Variants in MAD1L1 observed in about 807,000 individuals in gnomAD.
MAD1L1 encodes the protein mitotic spindle assembly checkpoint protein MAD1.
A neutral mutation model predicts 96.9 loss-of-function variants in MAD1L1; 95 were observed. The observed-to-expected ratio is 0.98, with a 90% CI of 0.83 to 1.16. The LOEUF (loss-of-function observed/expected upper bound fraction) is 1.16. Ranked by LOEUF, MAD1L1 falls within the 50% of genes most tolerant of loss-of-function variation. The pLI is 0.00. For synonymous variants in MAD1L1, 473 were observed against 396.6 expected, an observed-to-expected ratio of 1.19 and a Z score of -2.29; for missense variants, 1,007 against 954.4, an observed-to-expected ratio of 1.06 and a Z score of -0.73.
intron 18 of MAD1L1, among the ~76,000 whole-genome samples, chr7:1,877,236 A>T (rs1271430107): frequency 1.3e-5 from 2 of 152,206 alleles, no homozygotes; most frequent in African/African-American, 4.8e-5. Context: ...TTTGTAATAA[A>T]GTTTTACTGG....
At chr7:1,939,603 T>A (rs550237593) in intron 16 of MAD1L1, among the ~76,000 whole-genome samples, 3 of 152,276 alleles carry the variant, frequency 2.0e-5, no homozygotes, top group South Asian at 2.1e-4. Context: ...AATGGCCTCC[T>A]CCCCTTTGGC....
intron 14 of MAD1L1, among the ~76,000 whole-genome samples, chr7:1,997,886 G>T (rs1387683122): frequency 2.0e-5 from 3 of 152,192 alleles, no homozygotes; most frequent in African/African-American, 7.2e-5. Flanking sequence ...CGTCCCTCGG[G>T]AGCCCTGCGG....
intron 16 of MAD1L1, among the ~76,000 whole-genome samples, chr7:1,955,755 T>C (rs1226546422): frequency 1.3e-5 from 2 of 151,958 alleles, no homozygotes; most frequent in Admixed American, 6.5e-5. Context: ...TGCCTACTGG[T>C]TGTTGGGCAG....
chr7:1,897,316 C>T (rs925231026), intron 18 of MAD1L1, among the ~76,000 whole-genome samples: 1 of 152,232 alleles, frequency 6.6e-6, no homozygotes, highest in African/African-American at 2.4e-5. Flanking sequence ...TTTAGACGCC[C>T]GTTCCAGACC....
In MAD1L1 at chr7:2,118,310, G is replaced by A. The variant is rs528934588; in HGVS notation, c.1073+30842C>T. ...ACGGGGCCTGAGCCTGACACACGCA[G>A]GACGTGGTTGGCGGTCACAGATCTA... On this transcript the variant is annotated intron_variant, in intron 11 of 18. Transcript: ENST00000265854. 9.9e-5 allele frequency among the ~76,000 whole-genome samples: 12 copies of A among 121,786 alleles called. No individual in the cohort carries two copies. In the South Asian group the frequency reaches 3.0e-3, roughly 30 times the overall value. The allele number at this position is 121,786 out of a possible 152,430, so 79.9% of individuals were successfully genotyped here. A position where few individuals can be genotyped will look rare whatever the true frequency, so the allele number is the denominator to read the frequency against.
At chr7:2,196,343 T>G (rs1040532861) in intron 10 of MAD1L1, among the ~76,000 whole-genome samples, 4 of 152,200 alleles carry the variant, frequency 2.6e-5, no homozygotes, top group African/African-American at 9.7e-5. Flanking sequence ...CTAGAAACTC[T>G]TGTAAGCCAC....
intron 18 of MAD1L1, among the ~76,000 whole-genome samples, chr7:1,872,150 G>A (rs1785145125): frequency 1.3e-5 from 2 of 152,182 alleles, no homozygotes; most frequent in Non-Finnish European, 2.9e-5. Context: ...CCTGTCCCGC[G>A]ACAGAGAGGC....
rs368622168 is a variant in MAD1L1 at position 1,816,252 on chromosome 7, C to T, written c.1999-24G>A. 4.4e-6 allele frequency: 7 copies of T among 1,604,432 alleles called. No individual in the cohort carries two copies. In the Admixed American group the frequency reaches 5.0e-5, roughly 12 times the overall value. ...GCCTGCGGGGCAGTCAAGAAAGAGA[C>T]AAGACAGCGGTCAGCCCGACAGGCC... On this transcript the variant is annotated intron_variant, in intron 18 of 18. Coordinates refer to ENST00000265854, the MANE Select transcript of MAD1L1 (RefSeq NM_001013836.2).
chr7:1,959,158 A>G (rs1354541599), intron 15 of MAD1L1, among the ~76,000 whole-genome samples: 2 of 152,190 alleles, frequency 1.3e-5, no homozygotes, highest in African/African-American at 4.8e-5. Flanking sequence ...AGGCTGAGGC[A>G]TAAGAATCGC....
intron 15 of MAD1L1, among the ~76,000 whole-genome samples, chr7:1,961,790 C>T (rs1164807469): frequency 6.6e-6 from 1 of 151,660 alleles, no homozygotes; most frequent in Non-Finnish European, 1.5e-5. Flanking sequence ...TTCCCCCATA[C>T]CATTCTCGTG....
chr7:2,149,984 C>T (rs972391201), intron 10 of MAD1L1, among the ~76,000 whole-genome samples: 5 of 152,190 alleles, frequency 3.3e-5, no homozygotes, highest in African/African-American at 9.6e-5. Context: ...GACCCAGTGG[C>T]ATGTGAGCTC....
chr7:2,134,964 C>G (rs1358309038), intron 11 of MAD1L1, among the ~76,000 whole-genome samples: 1 of 152,198 alleles, frequency 6.6e-6, no homozygotes, highest in Non-Finnish European at 1.5e-5. Flanking sequence ...CATGAGTCAC[C>G]GTTTCCAGAA....
At chr7:2,143,143 T>C (rs1009936052) in intron 11 of MAD1L1, among the ~76,000 whole-genome samples, 4 of 151,950 alleles carry the variant, frequency 2.6e-5, no homozygotes, top group Non-Finnish European at 4.4e-5. Context: ...ACAGGCTCCA[T>C]AGAGGCGACT....
chr7:1,889,954 G>A (rs998404274), intron 18 of MAD1L1, among the ~76,000 whole-genome samples: 47 of 152,224 alleles, frequency 3.1e-4, no homozygotes, highest in African/African-American at 1.1e-3. Flanking sequence ...CAGGCTGGTG[G>A]TGCCCTGAAG....
intron 17 of MAD1L1, among the ~76,000 whole-genome samples, chr7:1,914,285 G>A (rs1441845649): frequency 1.3e-5 from 2 of 152,224 alleles, no homozygotes; most frequent in South Asian, 2.1e-4. Context: ...AGGACCGCAC[G>A]TGGGAAGGGA....
chr7:2,018,533 C>A (rs73277195), intron 12 of MAD1L1, among the ~76,000 whole-genome samples: 10,671 of 152,224 alleles, frequency 0.07, 1,220 homozygotes, highest in African/African-American at 0.24. Flanking sequence ...GAGGCAGGCG[C>A]CCAGCACTCC....
rs73039222 is a variant in MAD1L1, at chr7:2,140,337, C to T, written c.1073+8815G>A. Reference sequence around the variant, plus strand: ...GCCCTGCACATGTTCTTACACAGGACCCTCAAAGGACCCTGAAGGGTGAAG... The same window carrying T: ...GCCCTGCACATGTTCTTACACAGGATCCTCAAAGGACCCTGAAGGGTGAAG... On this transcript the variant is annotated intron_variant, in intron 11 of 18. Transcript: ENST00000265854. Among the ~76,000 whole-genome samples the T allele has an allele frequency of 5.3e-5, 8 of 152,196 alleles. No individual in the cohort carries two copies. In the East Asian group the frequency reaches 1.5e-3, roughly 29 times the overall value.
intron 17 of MAD1L1, among the ~76,000 whole-genome samples, chr7:1,899,580 G>C (rs73048124): frequency 0.031 from 4,781 of 152,324 alleles, 182 homozygotes; most frequent in Admixed American, 0.096. Flanking sequence ...CATATGGTTG[G>C]AGAGAACAAG....
intron 13 of MAD1L1, among the ~76,000 whole-genome samples, chr7:2,010,543 C>T (rs1205990115): frequency 3.3e-5 from 5 of 152,214 alleles, no homozygotes; most frequent in Admixed American, 6.5e-5. Flanking sequence ...TACGGGCTCC[C>T]GCAGCCGCTT....
Sources: allele counts gnomAD v4.1 joint callset (sites outside exome capture counted in the v4.1 genomes callset), GRCh38; gene constraint gnomAD v4.1.1; transcripts MANE v1.5; gene names NCBI Gene and HGNC (gene_info 2026-07-23, HGNC 2026-07-21).